Variants in ERBB4 observed in about 807,000 individuals in gnomAD.
ERBB4 encodes receptor tyrosine-protein kinase erbB-4.
A neutral mutation model predicts 158.0 loss-of-function variants in ERBB4; 42 were observed. That is an observed-to-expected ratio of 0.27 (90% confidence interval 0.21 to 0.34). The LOEUF is 0.34. ERBB4 is among the 10% of genes least tolerant of loss of function. ERBB4 has a pLI of 1.00. For synonymous variants in ERBB4, 583 were observed against 558.7 expected (o/e 1.04, Z -0.61); for missense variants, 1,333 against 1,624.1 (o/e 0.82, Z 3.08).
At chr2:211,713,689 T>C (rs770119380) in intron 7 of ERBB4, 41 bp from the exon 8 acceptor site, 23 of 1,178,516 alleles carry the variant, frequency 2.0e-5, no homozygotes, top group Non-Finnish European at 2.9e-5. Flanking sequence ...GCATTAATGT[T>C]AACATTCAGC....
chr2:211,891,956 AC>A (rs1335904213), intron 3 of ERBB4, among the ~76,000 whole-genome samples: 1 of 138,180 alleles, frequency 7.2e-6, no homozygotes, highest in Non-Finnish European at 1.5e-5. Context: ...AGATGGATTC[AC>A]AGCTGACTTC....
At chr2:211,726,035 C>G (rs918623432) in intron 5 of ERBB4, among the ~76,000 whole-genome samples, 12 of 152,172 alleles carry the variant, frequency 7.9e-5, no homozygotes, top group Non-Finnish European at 2.9e-5. Context: ...AGACACAATT[C>G]TGCTTATCTC....
chr2:212,455,299 A>G (rs1364976737), intron 1 of ERBB4, among the ~76,000 whole-genome samples: 2 of 152,162 alleles, frequency 1.3e-5, no homozygotes, highest in African/African-American at 4.8e-5. Context: ...ATCACCTATT[A>G]TGCTTCTTTC....
At chr2:211,571,038 C>CCTCTTTTTTT (rs1437512949) in intron 19 of ERBB4, among the ~76,000 whole-genome samples, 2 of 58,730 alleles carry the variant, frequency 3.4e-5, no homozygotes, top group African/African-American at 1.5e-4. Flanking sequence ...GAGTACTCTT[C>CCTCTTTTTTT]TTCTTTTTTT....
At chr2:211,991,480 T>C (rs1208101905) in intron 2 of ERBB4, among the ~76,000 whole-genome samples, 1 of 151,938 alleles carries the variant, frequency 6.6e-6, no homozygotes. Context: ...ATAATAGGAG[T>C]AGCTTTCATA....
intron 25 of ERBB4, among the ~76,000 whole-genome samples, chr2:211,419,151 A>G (rs368717808): frequency 2.0e-5 from 3 of 152,174 alleles, no homozygotes; most frequent in East Asian, 3.9e-4. Flanking sequence ...GCAAACCTAC[A>G]GTGTAGTAGG....
chr2:211,794,311 G>A (rs1295640004), intron 3 of ERBB4, among the ~76,000 whole-genome samples: 1 of 151,768 alleles, frequency 6.6e-6, no homozygotes, highest in Admixed American at 6.6e-5. Context: ...TCTAACTCCT[G>A]TAACACTGAT....
chr2:212,054,715 A>G (rs2077500821), intron 2 of ERBB4, among the ~76,000 whole-genome samples: 1 of 152,172 alleles, frequency 6.6e-6, no homozygotes, highest in Non-Finnish European at 1.5e-5. Context: ...AAGCCATCAG[A>G]TGCTTTTTCT....
intron 2 of ERBB4, among the ~76,000 whole-genome samples, chr2:212,033,924 T>C (rs2076958291): frequency 6.6e-6 from 1 of 151,860 alleles, no homozygotes; most frequent in Admixed American, 6.6e-5. Context: ...GCCACAAAAA[T>C]TGTAGCAGGA....
chr2:211,775,799 G>C (rs2075858238), intron 4 of ERBB4, among the ~76,000 whole-genome samples: 1 of 152,156 alleles, frequency 6.6e-6, no homozygotes, highest in South Asian at 2.1e-4. Flanking sequence ...TTTCACAAAG[G>C]TTTTCATGAG....
intron 1 of ERBB4, among the ~76,000 whole-genome samples, chr2:212,216,267 T>C (rs1326475294): frequency 6.6e-6 from 1 of 151,304 alleles, no homozygotes; most frequent in Non-Finnish European, 1.5e-5. Context: ...ACCATTAGTA[T>C]TCACTTCCTA....
At chr2:212,140,112 G>A (rs1000425119) in intron 1 of ERBB4, among the ~76,000 whole-genome samples, 5 of 151,498 alleles carry the variant, frequency 3.3e-5, no homozygotes, top group African/African-American at 1.2e-4. Context: ...GTTATAAAAT[G>A]TATTAACTGT....
chr2:212,220,678 G>A (rs542898893), intron 1 of ERBB4, among the ~76,000 whole-genome samples: 1 of 151,440 alleles, frequency 6.6e-6, no homozygotes, highest in South Asian at 2.1e-4. Flanking sequence ...TCTCTGGCTG[G>A]AAGGTCCTTC....
At chr2:211,768,769 G>A (rs1029384123) in intron 4 of ERBB4, among the ~76,000 whole-genome samples, 1 of 143,064 alleles carries the variant, frequency 7.0e-6, no homozygotes, top group African/African-American at 2.5e-5. Context: ...TTCCTCCTAG[G>A]CCTTTTGGCT....
chr2:211,400,278 T>A (rs1056097100), intron 25 of ERBB4, among the ~76,000 whole-genome samples: 3 of 152,114 alleles, frequency 2.0e-5, no homozygotes, highest in African/African-American at 7.2e-5. Context: ...TTGAATAGAA[T>A]AACATAGTAG....
At chr2:211,449,030 C>T (rs752448972) in intron 20 of ERBB4, among the ~76,000 whole-genome samples, 2 of 152,044 alleles carry the variant, frequency 1.3e-5, no homozygotes, top group Non-Finnish European at 2.9e-5. Flanking sequence ...CAACTTTAAT[C>T]ATCTTTACAA....
chr2:212,265,650 A>G lies in ERBB4; in HGVS notation c.83-140747T>C, dbSNP rs73986912. ...AAAAAATTACAATATACAGATCCCA[A>G]AACTTATTAATGTAACTTAAAAGAC... On this transcript the variant is annotated intron_variant, in intron 1 of 27. Coordinates refer to ENST00000342788, the MANE Select transcript of ERBB4 (RefSeq NM_005235.3). 9.9e-3 allele frequency among the ~76,000 whole-genome samples: 1,505 copies of G among 152,158 alleles called. 22 individuals are homozygous for G. The highest frequency in any genetic ancestry group is 0.034 in the African/African-American group (1,429 of 41,534).
chr2:211,709,985 T>C (rs2073630242), intron 9 of ERBB4, among the ~76,000 whole-genome samples: 4 of 152,158 alleles, frequency 2.6e-5, no homozygotes, highest in Non-Finnish European at 4.4e-5. Context: ...ATCCAAACTT[T>C]CGTATAATTG....
At chr2:211,443,202 C>T (rs1399711707) in intron 20 of ERBB4, among the ~76,000 whole-genome samples, 1 of 151,918 alleles carries the variant, frequency 6.6e-6, no homozygotes, top group African/African-American at 2.4e-5. Flanking sequence ...AACATAACCT[C>T]ATAACAATTA....
Sources: allele counts gnomAD v4.1 joint callset (sites outside exome capture counted in the v4.1 genomes callset), GRCh38; gene constraint gnomAD v4.1.1; transcripts MANE v1.5; gene names NCBI Gene and HGNC (gene_info 2026-07-23, HGNC 2026-07-21).